Variants in FNDC3B observed in about 807,000 individuals in gnomAD.
FNDC3B encodes the protein fibronectin type III domain-containing protein 3B.
A neutral mutation model predicts 151.5 loss-of-function variants in FNDC3B; 12 were observed. The observed-to-expected ratio is 0.08, with a 90% CI of 0.05 to 0.13. The LOEUF is 0.13. Among genes scored for constraint, FNDC3B ranks in the 10% least tolerant of loss-of-function variants. The probability of loss-of-function intolerance (pLI) is 1.00; values close to 1 mark genes in which losing one functional copy is unlikely to be tolerated. For missense variants in FNDC3B, 1,214 were observed against 1,505.3 expected (o/e 0.81, Z 3.20); for synonymous variants, 528 against 549.0 (o/e 0.96, Z 0.54).
At chr3:172,084,492 C>CACACACACACACACAT in intron 1 of FNDC3B, among the ~76,000 whole-genome samples, 1 of 151,978 alleles carries the variant, frequency 6.6e-6, no homozygotes, top group East Asian at 1.9e-4. Flanking sequence ...CACATACACA[C>CACACACACACACACAT]ACACACACGT....
chr3:172,042,908 C>T (rs1716161487), intron 1 of FNDC3B, among the ~76,000 whole-genome samples: 1 of 150,398 alleles, frequency 6.6e-6, no homozygotes, highest in Non-Finnish European at 1.5e-5. Flanking sequence ...AATCTCGGCT[C>T]ACTGCAACCT....
chr3:172,077,751 CTTTTAAG>C (rs2108494836), intron 1 of FNDC3B, among the ~76,000 whole-genome samples: 1 of 152,200 alleles, frequency 6.6e-6, no homozygotes, highest in Admixed American at 6.5e-5. Context: ...AACTTGAATG[CTTTTAAG>C]TTGCCTAGTA....
chr3:172,165,339 A>G (rs1443710598), intron 3 of FNDC3B, among the ~76,000 whole-genome samples: 1 of 152,202 alleles, frequency 6.6e-6, no homozygotes. Flanking sequence ...CTGCTGTAAG[A>G]AAAGCCTACC....
At chr3:172,151,484 A>G (rs990215479) in intron 3 of FNDC3B, among the ~76,000 whole-genome samples, 1 of 151,828 alleles carries the variant, frequency 6.6e-6, no homozygotes, top group African/African-American at 2.4e-5. Flanking sequence ...TTTTTCCTAC[A>G]GTGTTAACCA....
intron 7 of FNDC3B, among the ~76,000 whole-genome samples, chr3:172,295,082 C>T (rs886683945): frequency 6.6e-6 from 1 of 152,024 alleles, no homozygotes; most frequent in Non-Finnish European, 1.5e-5. Flanking sequence ...TTTTTACTTA[C>T]GTTAAAAAAA....
chr3:172,180,028 C>G (rs1299266721), intron 3 of FNDC3B, among the ~76,000 whole-genome samples: 1 of 152,140 alleles, frequency 6.6e-6, no homozygotes, highest in Non-Finnish European at 1.5e-5. Flanking sequence ...AAGCCTCACT[C>G]TGACCTAATG....
chr3:172,163,933 A>C (rs1013447334), intron 3 of FNDC3B, among the ~76,000 whole-genome samples: 1 of 152,236 alleles, frequency 6.6e-6, no homozygotes, highest in Non-Finnish European at 1.5e-5. Context: ...CAGTTTTGAC[A>C]GTCTGTTGGT....
chr3:172,107,439 G>T (rs1011873015), intron 1 of FNDC3B, among the ~76,000 whole-genome samples: 6 of 152,086 alleles, frequency 3.9e-5, no homozygotes, highest in Non-Finnish European at 8.8e-5. Context: ...TTGATTTCAA[G>T]AATGGATTCA....
At chr3:172,227,200 T>G (rs549777517) in intron 4 of FNDC3B, 4 of 345,552 alleles carry the variant, frequency 1.2e-5, no homozygotes, top group African/African-American at 6.2e-5. Context: ...TTTGATTGTT[T>G]GGTTGTGATT....
chr3:172,392,806 T>C (rs1736076379), intron 25 of FNDC3B, among the ~76,000 whole-genome samples: 1 of 66,138 alleles, frequency 1.5e-5, no homozygotes, highest in Non-Finnish European at 3.4e-5. Context: ...TTCTTTTTTT[T>C]TTTCTTTTTT....
intron 3 of FNDC3B, among the ~76,000 whole-genome samples, chr3:172,224,126 C>A (rs907209426): frequency 2.4e-4 from 36 of 152,330 alleles, no homozygotes; most frequent in African/African-American, 7.5e-4. Flanking sequence ...TTCACAGATA[C>A]TGCTCAGGAT....
intron 3 of FNDC3B, among the ~76,000 whole-genome samples, chr3:172,182,650 G>A (rs144751576): frequency 1.3e-5 from 2 of 152,172 alleles, no homozygotes; most frequent in Non-Finnish European, 1.5e-5. Flanking sequence ...CCTGTTAAAC[G>A]CAGGGAATTC....
intron 1 of FNDC3B, among the ~76,000 whole-genome samples, chr3:172,103,137 G>A (rs973249265): frequency 2.0e-5 from 3 of 152,106 alleles, no homozygotes; most frequent in South Asian, 2.1e-4. Flanking sequence ...TAAAAACAAC[G>A]AACAAAGCAA....
intron 23 of FNDC3B, among the ~76,000 whole-genome samples, chr3:172,369,646 T>C (rs1734788581): frequency 6.6e-6 from 1 of 152,094 alleles, no homozygotes; most frequent in Non-Finnish European, 1.5e-5. Flanking sequence ...GACAGAGGGT[T>C]AGGAAATTAA....
intron 2 of FNDC3B, among the ~76,000 whole-genome samples, chr3:172,129,570 A>G (rs568495535): frequency 7.2e-5 from 11 of 152,356 alleles, no homozygotes; most frequent in African/African-American, 2.6e-4. Context: ...ACTCAATTGT[A>G]TTAATTGCAA....
intron 3 of FNDC3B, among the ~76,000 whole-genome samples, chr3:172,167,083 C>T (rs975544678): frequency 1.1e-4 from 17 of 152,016 alleles, no homozygotes; most frequent in African/African-American, 2.7e-4. Context: ...TTAAATATTG[C>T]GTTGTTTGTA....
chr3:172,365,445 C>G (rs1220148297), intron 23 of FNDC3B, among the ~76,000 whole-genome samples: 1 of 152,136 alleles, frequency 6.6e-6, no homozygotes, highest in Non-Finnish European at 1.5e-5. Context: ...TTCTTTCTTA[C>G]CTGCAGGCTC....
At chr3:172,065,421 G>A (rs1717449052) in intron 1 of FNDC3B, among the ~76,000 whole-genome samples, 2 of 152,188 alleles carry the variant, frequency 1.3e-5, no homozygotes, top group South Asian at 4.1e-4. Context: ...TTTTAGTGTA[G>A]ATATGACTTT....
chr3:172,167,943 A>G (rs1368632240), intron 3 of FNDC3B, among the ~76,000 whole-genome samples: 1 of 152,198 alleles, frequency 6.6e-6, no homozygotes, highest in African/African-American at 2.4e-5. Flanking sequence ...CTTGGTGCCA[A>G]AAAGGTTGGG....
Sources: gnomAD v4.1 joint callset for allele counts (sites outside exome capture counted in the v4.1 genomes callset) on GRCh38, gnomAD v4.1.1 for gene constraint, MANE v1.5 for transcripts, NCBI Gene and HGNC (gene_info 2026-07-23, HGNC 2026-07-21) for gene names.